SUGCT: variants seen among roughly 807,000 people sequenced by gnomAD.
SUGCT encodes succinyl-CoA:glutarate-CoA transferase.
SUGCT carries 41 observed loss-of-function variants against 55.0 expected under a neutral mutation model. The observed-to-expected ratio is 0.74, with a 90% confidence interval of 0.58 to 0.97. The LOEUF is 0.97. SUGCT is among the 50% of genes least tolerant of loss of function. SUGCT has a pLI of 0.00. For missense variants in SUGCT, 568 were observed against 547.8 expected, an observed-to-expected ratio of 1.04 and a Z score of -0.37; for synonymous variants, 187 against 200.4, an observed-to-expected ratio of 0.93 and a Z score of 0.56.
At chr7:40,198,499 A>G (rs1379206456) in intron 6 of SUGCT, among the ~76,000 whole-genome samples, 1 of 152,250 alleles carries the variant, frequency 6.6e-6, no homozygotes, top group East Asian at 1.9e-4. Context: ...ATTCTTCTGG[A>G]AGCCAAAGTC....
At chr7:40,192,664 T>A (rs1169501484) in intron 5 of SUGCT, among the ~76,000 whole-genome samples, 1 of 149,392 alleles carries the variant, frequency 6.7e-6, no homozygotes, top group African/African-American at 2.5e-5. Context: ...GGAGTTTTGC[T>A]CTTGTCTCCC....
chr7:40,616,209 T>C (rs1798994969), intron 12 of SUGCT, among the ~76,000 whole-genome samples: 1 of 152,056 alleles, frequency 6.6e-6, no homozygotes, highest in Non-Finnish European at 1.5e-5. Flanking sequence ...TTTTTTTTTC[T>C]TTTTGAGATG....
chr7:40,156,202 A>G (rs1378279516), intron 1 of SUGCT, among the ~76,000 whole-genome samples: 14 of 152,100 alleles, frequency 9.2e-5, no homozygotes, highest in Non-Finnish European at 1.6e-4. Context: ...GGTGGCTCAC[A>G]CCTATAATCC....
At chr7:40,935,097 A>T in the SUGCT span, among the ~76,000 whole-genome samples, 1 of 152,212 alleles carries the variant, frequency 6.6e-6, no homozygotes, top group South Asian at 2.1e-4. Context: ...TCTCACTGAT[A>T]AGTGAATAGA....
chr7:40,524,925 A>G (rs914120099), intron 12 of SUGCT, among the ~76,000 whole-genome samples: 2 of 152,132 alleles, frequency 1.3e-5, no homozygotes, highest in Admixed American at 1.3e-4. Flanking sequence ...TCACCCCTAC[A>G]CTGTGAGCCT....
chr7:41,022,431 G>T, the SUGCT span, among the ~76,000 whole-genome samples: 1 of 152,138 alleles, frequency 6.6e-6, no homozygotes, highest in Admixed American at 6.6e-5. Flanking sequence ...CTTTAAAGAT[G>T]CTTACTGAAG....
At chr7:40,826,853 G>A (rs1792339181) in intron 13 of SUGCT, among the ~76,000 whole-genome samples, 1 of 152,174 alleles carries the variant, frequency 6.6e-6, no homozygotes, top group Admixed American at 6.5e-5. Context: ...TAAGTGCTGA[G>A]CAGGAAAGAG....
intron 11 of SUGCT, among the ~76,000 whole-genome samples, chr7:40,470,802 A>T (rs1188445016): frequency 6.6e-6 from 1 of 151,738 alleles, no homozygotes; most frequent in Non-Finnish European, 1.5e-5. Flanking sequence ...TCTGTCACAC[A>T]TACACAGAAT....
chr7:40,806,934 C>T (rs917793240), intron 13 of SUGCT, among the ~76,000 whole-genome samples: 1 of 152,102 alleles, frequency 6.6e-6, no homozygotes, highest in African/African-American at 2.4e-5. Context: ...TCTGGCTTCA[C>T]CTCTTTATAT....
chr7:40,194,899 TGTTGAGTGGAA>T, intron 5 of SUGCT, 30 bp from the exon 6 acceptor site: 1 of 1,590,190 alleles, frequency 6.3e-7, no homozygotes. Flanking sequence ...TGTGGGGATT[TGTTGAGTGGAA>T]GTCTGACTCA....
chr7:40,406,879 C>T (rs1786398434), intron 9 of SUGCT, among the ~76,000 whole-genome samples: 1 of 152,034 alleles, frequency 6.6e-6, no homozygotes, highest in African/African-American at 2.4e-5. Flanking sequence ...TTACAATGAT[C>T]ATTTGGCATG....
chr7:40,995,709 C>CTGTGGAGAACT, the SUGCT span, among the ~76,000 whole-genome samples: 9 of 151,978 alleles, frequency 5.9e-5, no homozygotes, highest in East Asian at 1.7e-3. Flanking sequence ...GCTAGCATTT[C>CTGTGGAGAACT]TATATGTGGA....
chr7:41,001,940 G>A, the SUGCT span, among the ~76,000 whole-genome samples: 1 of 152,228 alleles, frequency 6.6e-6, no homozygotes, highest in Admixed American at 6.5e-5. Context: ...AGCCAAGGCA[G>A]GAGCCAAGTC....
At chr7:40,808,621 G>A (rs1346759137) in intron 13 of SUGCT, among the ~76,000 whole-genome samples, 2 of 152,184 alleles carry the variant, frequency 1.3e-5, no homozygotes, top group Non-Finnish European at 2.9e-5. Flanking sequence ...GAACTGGTTG[G>A]TGGTAAGGAA....
intron 11 of SUGCT, among the ~76,000 whole-genome samples, chr7:40,471,114 A>G (rs1195781709): frequency 1.3e-5 from 2 of 152,070 alleles, no homozygotes; most frequent in East Asian, 1.9e-4. Context: ...GTTGGTTTCA[A>G]CTTACTTTTT....
At chr7:40,265,300 T>A (rs182144385) in intron 7 of SUGCT, among the ~76,000 whole-genome samples, 54 of 152,346 alleles carry the variant, frequency 3.5e-4, no homozygotes, top group Middle Eastern at 6.8e-3. Context: ...GTAATTAGGT[T>A]GAGTAATGTA....
chr7:40,152,532 G>T (rs181828143), intron 1 of SUGCT: 2 of 213,150 alleles, frequency 9.4e-6, no homozygotes, highest in South Asian at 9.6e-5. Context: ...TGTCATTTCA[G>T]TGAAAATTTG....
intron 9 of SUGCT, among the ~76,000 whole-genome samples, chr7:40,415,061 A>T (rs867376659): frequency 1.1e-4 from 7 of 63,622 alleles, no homozygotes; most frequent in South Asian, 6.5e-4. Flanking sequence ...AAAAAAAAAA[A>T]ATCTATCTAT....
intron 9 of SUGCT, among the ~76,000 whole-genome samples, chr7:40,374,413 G>A (rs1259387880): frequency 1.2e-4 from 19 of 152,240 alleles, no homozygotes; most frequent in East Asian, 1.9e-4. Context: ...TTTAACCTGA[G>A]CGTTCAAGCT....
Sources: allele counts gnomAD v4.1 joint callset (sites outside exome capture counted in the v4.1 genomes callset), GRCh38; gene constraint gnomAD v4.1.1; transcripts MANE v1.5; gene names NCBI Gene and HGNC (gene_info 2026-07-23, HGNC 2026-07-21).